Variants in SOX6 observed in about 807,000 individuals in gnomAD.
SOX6 encodes the protein transcription factor SOX-6.
Under a neutral mutation model 97.8 loss-of-function variants are expected in SOX6, and 11 were observed. That is an observed-to-expected ratio of 0.11 (90% CI 0.07 to 0.19). The LOEUF (loss-of-function observed/expected upper bound fraction) is 0.19, where lower values mean the gene tolerates loss of function less well. SOX6 is among the 10% of genes least tolerant of loss of function. The pLI is 1.00. For synonymous variants in SOX6, 360 were observed against 371.4 expected (o/e 0.97, Z 0.35); for missense variants, 810 against 1,039.5 (o/e 0.78, Z 3.04).
chr11:16,286,884 A>ATGATTG (rs564937370), intron 3 of SOX6, among the ~76,000 whole-genome samples: 23 of 152,218 alleles, frequency 1.5e-4, no homozygotes, highest in Admixed American at 9.2e-4. Context: ...TGAAATATTT[A>ATGATTG]TGATTGTTTA....
rs903038675 is a variant in SOX6, at chr11:15,972,482, A to T, written c.*327T>A. On this transcript the variant is annotated 3_prime_UTR_variant, in exon 16 of 16. Transcript: ENST00000683767. Reference sequence around the variant, plus strand: ...AACAGTAACTTAAACCTTTATCAACATCCAAAAGAAAAAAAAAGTAAGACA... The same window carrying T: ...AACAGTAACTTAAACCTTTATCAACTTCCAAAAGAAAAAAAAAGTAAGACA... The T allele has an allele frequency of 3.8e-5, 13 of 341,350 alleles. No individual in the cohort carries two copies. Among genetic ancestry groups the T allele is most frequent in the Non-Finnish European group, 7.1e-5 (13 of 182,374 alleles). The allele number at this position is 341,350 out of a possible 1,614,324, so 21.1% of individuals were successfully genotyped here.
intron 9 of SOX6, among the ~76,000 whole-genome samples, chr11:16,086,659 A>G (rs969257776): frequency 6.6e-6 from 1 of 152,140 alleles, no homozygotes; most frequent in Admixed American, 6.5e-5. Flanking sequence ...CTTTGAAACT[A>G]TAAGACAGGC....
intron 4 of SOX6, among the ~76,000 whole-genome samples, chr11:16,498,494 A>G (rs567137073): frequency 1.3e-4 from 20 of 152,202 alleles, no homozygotes; most frequent in African/African-American, 4.3e-4. Flanking sequence ...AAATGCTCCA[A>G]TTAAAAGACA....
chr11:16,420,221 T>G (rs1238389893), intron 1 of SOX6, among the ~76,000 whole-genome samples: 1 of 152,172 alleles, frequency 6.6e-6, no homozygotes, highest in Non-Finnish European at 1.5e-5. Context: ...AAAAAATGAC[T>G]AAGACTGATG....
intron 1 of SOX6, among the ~76,000 whole-genome samples, chr11:16,390,246 C>G (rs1453881949): frequency 6.9e-6 from 1 of 144,944 alleles, no homozygotes; most frequent in African/African-American, 2.8e-5. Flanking sequence ...TGCCTTGATT[C>G]TCCAGGTCAG....
chr11:16,490,292 G>A (rs1048522695), intron 4 of SOX6, among the ~76,000 whole-genome samples: 10 of 151,926 alleles, frequency 6.6e-5, no homozygotes, highest in Non-Finnish European at 1.0e-4. Flanking sequence ...CTTTGATATA[G>A]TTTGCTTAAC....
intron 6 of SOX6, among the ~76,000 whole-genome samples, chr11:16,141,162 G>C (rs1382598871): frequency 6.6e-6 from 1 of 152,048 alleles, no homozygotes; most frequent in Non-Finnish European, 1.5e-5. Context: ...TATGAGTGGT[G>C]AAATAGTAAA....
rs1847739237 is a variant in SOX6 at position 16,555,394 on chromosome 11, TTAAA to T, written n.609+56683_609+56686del. Among the ~76,000 whole-genome samples, 3 of 151,652 alleles carry T rather than the reference TTAAA, an allele frequency of 2.0e-5. No homozygotes were observed. In the South Asian group the frequency reaches 6.2e-4, roughly 31 times the overall value. On this transcript the variant is annotated intron_variant and non_coding_transcript_variant, in intron 4 of 5. Coordinates refer to the SOX6 transcript ENST00000524520. ...GGTGTTATCGGTATTTAAGTGTTTC[TTAAA>T]TAAAATATATTATCATTATTATTAC...
chr11:16,138,543 AT>A lies in SOX6; in HGVS notation c.778-26621del, dbSNP rs369872607. On this transcript the variant is annotated intron_variant, in intron 6 of 15. Coordinates refer to ENST00000683767, the MANE Select transcript of SOX6 (RefSeq NM_001367873.1). Reference sequence around the variant, plus strand: ...TTTTTGTTGTTGTTTTTATTTTTTTATTTTTTTTATTTTATTATTATTATAC... The same window carrying A: ...TTTTTGTTGTTGTTTTTATTTTTTTATTTTTTTATTTTATTATTATTATAC... Among the ~76,000 whole-genome samples the A allele has an allele frequency of 2.9e-3, 443 of 151,186 alleles. 3 individuals are homozygous for A. Among genetic ancestry groups the A allele is most frequent in the African/African-American group, 9.1e-3 (377 of 41,212 alleles).
chr11:15,999,998 A>T (rs1564900618), intron 13 of SOX6, among the ~76,000 whole-genome samples: 2 of 152,164 alleles, frequency 1.3e-5, no homozygotes, highest in South Asian at 2.1e-4. Flanking sequence ...CACAGATTTG[A>T]TTTTTCACCA....
At chr11:16,687,660 G>C (rs951444226) in intron 3 of SOX6, among the ~76,000 whole-genome samples, 2 of 152,134 alleles carry the variant, frequency 1.3e-5, no homozygotes, top group Admixed American at 6.5e-5. Context: ...GCTGGCAATA[G>C]ATTTATAGGT....
chr11:15,994,693 G>T (rs1200497994), intron 13 of SOX6, among the ~76,000 whole-genome samples: 1 of 151,962 alleles, frequency 6.6e-6, no homozygotes, highest in Non-Finnish European at 1.5e-5. Flanking sequence ...CCTCTTCAAG[G>T]GCCCATTAAA....
At chr11:16,109,924 T>C (rs1046278613) in intron 7 of SOX6, among the ~76,000 whole-genome samples, 2 of 152,156 alleles carry the variant, frequency 1.3e-5, no homozygotes, top group African/African-American at 4.8e-5. Flanking sequence ...ACAGCTCTGT[T>C]ACCCCAGGAC....
intron 4 of SOX6, among the ~76,000 whole-genome samples, chr11:16,558,164 A>G (rs529972492): frequency 1.8e-4 from 27 of 151,966 alleles, no homozygotes; most frequent in Non-Finnish European, 3.5e-4. Context: ...TTTCCTGAAT[A>G]GTGGTCATAG....
chr11:16,443,136 A>G (rs1859537861), intron 1 of SOX6, among the ~76,000 whole-genome samples: 1 of 152,166 alleles, frequency 6.6e-6, no homozygotes, highest in Admixed American at 6.5e-5. Flanking sequence ...ATAATTCCCT[A>G]TAAAAGGTAG....
intron 3 of SOX6, among the ~76,000 whole-genome samples, chr11:16,623,189 T>A (rs1848569705): frequency 6.6e-6 from 1 of 151,958 alleles, no homozygotes; most frequent in Admixed American, 6.6e-5. Context: ...CCTGACTAAT[T>A]TTTGCATTTT....
At chr11:16,195,098 A>G (rs998339190) in intron 4 of SOX6, among the ~76,000 whole-genome samples, 3 of 152,224 alleles carry the variant, frequency 2.0e-5, no homozygotes, top group African/African-American at 7.2e-5. Flanking sequence ...CTTTCTCTAG[A>G]AGCTCCATGA....
At chr11:16,163,417 T>C (rs1178701409) in intron 6 of SOX6, among the ~76,000 whole-genome samples, 1 of 152,216 alleles carries the variant, frequency 6.6e-6, no homozygotes, top group Non-Finnish European at 1.5e-5. Flanking sequence ...AACAAAATTA[T>C]ATTTATAGAA....
At chr11:16,028,731 T>C (rs1260214860) in intron 12 of SOX6, among the ~76,000 whole-genome samples, 2 of 152,134 alleles carry the variant, frequency 1.3e-5, no homozygotes, top group Admixed American at 6.6e-5. Flanking sequence ...TCTCCACATA[T>C]CGGCCGTTTG....
Sources: gnomAD v4.1 joint callset for allele counts (sites outside exome capture counted in the v4.1 genomes callset) on GRCh38, gnomAD v4.1.1 for gene constraint, MANE v1.5 for transcripts, NCBI Gene and HGNC (gene_info 2026-07-23, HGNC 2026-07-21) for gene names.